The following PCDH15 variants were observed in gnomAD, a reference collection of about 807,000 sequenced individuals.
The protein encoded by PCDH15 is protocadherin related 15.
PCDH15 carries 129 observed loss-of-function variants against 178.5 expected under a neutral mutation model. The observed-to-expected ratio is 0.72, with a 90% CI of 0.63 to 0.84. The LOEUF (loss-of-function observed/expected upper bound fraction) is 0.84, where lower values mean the gene tolerates loss of function less well. PCDH15 is among the 40% of genes least tolerant of loss of function. The pLI, the probability that PCDH15 is intolerant of heterozygous loss-of-function variation, is 0.00. For synonymous variants in PCDH15, 800 were observed against 732.0 expected (o/e 1.09, Z -1.50); for missense variants, 2,230 against 2,099.9 (o/e 1.06, Z -1.21).
At chr10:54,530,846 C>T (rs2083833221) in intron 2 of PCDH15, among the ~76,000 whole-genome samples, 1 of 152,108 alleles carries the variant, frequency 6.6e-6, no homozygotes, top group Non-Finnish European at 1.5e-5. Flanking sequence ...TAAGCAGACA[C>T]ATAATAAATA....
At chr10:55,056,734 G>C (rs1388638553) in intron 2 of PCDH15, among the ~76,000 whole-genome samples, 3 of 151,594 alleles carry the variant, frequency 2.0e-5, no homozygotes, top group African/African-American at 7.3e-5. Context: ...CCAGATTCAA[G>C]CAATTCTCCT....
chr10:54,442,455 T>TAC (rs1217607581), intron 3 of PCDH15, among the ~76,000 whole-genome samples: 2 of 100,138 alleles, frequency 2.0e-5, no homozygotes, highest in African/African-American at 8.0e-5. Context: ...TATATATATA[T>TAC]ATATACAGTC....
At chr10:55,250,702 A>AT (rs1841814473) in intron 1 of PCDH15, among the ~76,000 whole-genome samples, 1 of 150,888 alleles carries the variant, frequency 6.6e-6, no homozygotes, top group South Asian at 2.1e-4. Context: ...ACACCCAGCT[A>AT]TTTTTTGTAT....
intron 1 of PCDH15, among the ~76,000 whole-genome samples, chr10:55,200,016 G>C (rs1484491400): frequency 6.6e-6 from 1 of 152,104 alleles, no homozygotes; most frequent in African/African-American, 2.4e-5. Context: ...AGTGTGGAGG[G>C]GAATGTGGGG....
chr10:54,169,583 C>T (rs894603359), intron 13 of PCDH15, among the ~76,000 whole-genome samples: 42 of 149,022 alleles, frequency 2.8e-4, no homozygotes, highest in Admixed American at 1.9e-3. Context: ...ATCTCATTGC[C>T]GCCCTTCTTC....
Position 54,275,625 on chromosome 10 carries a change from T to C in PCDH15, c.877-38694A>G, listed in dbSNP as rs2058308575. The stretch of plus-strand genomic sequence containing the variant: ...AAGATAATGCTTAATAGTGGTGTCA[T>C]TACAACCAAAATACTAAAAAAATGT... On this transcript the variant is annotated intron_variant, in intron 8 of 37. Coordinates refer to ENST00000644397, the MANE Select transcript of PCDH15 (RefSeq NM_001384140.1). Among the ~76,000 whole-genome samples, 6 of 151,902 alleles carry C rather than the reference T, an allele frequency of 3.9e-5. No homozygotes were observed. The South Asian group carries it at 1.0e-3, about 26-fold the overall frequency.
At chr10:54,982,260 A>G (rs891399166) in intron 2 of PCDH15, among the ~76,000 whole-genome samples, 2 of 152,188 alleles carry the variant, frequency 1.3e-5, no homozygotes, top group Middle Eastern at 3.2e-3. Flanking sequence ...GCTAGAGGCA[A>G]TATAGACACA....
At chr10:55,509,670 C>T (rs569231449) in intron 2 of PCDH15, among the ~76,000 whole-genome samples, 3 of 151,888 alleles carry the variant, frequency 2.0e-5, no homozygotes, top group Admixed American at 6.6e-5. Flanking sequence ...ATATATATTA[C>T]CTTTTGTTTT....
chr10:54,544,752 A>G (rs781005565), intron 2 of PCDH15, among the ~76,000 whole-genome samples: 1 of 152,100 alleles, frequency 6.6e-6, no homozygotes, highest in Non-Finnish European at 1.5e-5. Flanking sequence ...GGTTTTCTCT[A>G]CTATGTTCAA....
upstream of PCDH15, among the ~76,000 whole-genome samples, chr10:55,321,214 T>C (rs898714853): frequency 2.0e-5 from 3 of 152,070 alleles, no homozygotes; most frequent in Non-Finnish European, 4.4e-5. Context: ...CAAACACAAG[T>C]ATTAACTACA....
chr10:54,011,655 G>T (rs1363805099), intron 20 of PCDH15, among the ~76,000 whole-genome samples: 1 of 152,120 alleles, frequency 6.6e-6, no homozygotes, highest in Non-Finnish European at 1.5e-5. Flanking sequence ...CCATCTGCTG[G>T]ATCACAGCCC....
chr10:55,557,661 T>G (rs1326785923), intron 2 of PCDH15, among the ~76,000 whole-genome samples: 2 of 152,134 alleles, frequency 1.3e-5, no homozygotes, highest in Non-Finnish European at 2.9e-5. Context: ...GCTAGCTTAA[T>G]AGATGGGTTT....
At chr10:54,662,448 C>T (rs1243255651) in intron 2 of PCDH15, among the ~76,000 whole-genome samples, 1 of 151,920 alleles carries the variant, frequency 6.6e-6, no homozygotes, top group African/African-American at 2.4e-5. Context: ...TAGTATAGTA[C>T]ATTAAAGTCA....
chr10:54,128,511 T>C (rs988818423), intron 15 of PCDH15, among the ~76,000 whole-genome samples: 5 of 152,188 alleles, frequency 3.3e-5, no homozygotes, highest in African/African-American at 1.2e-4. Context: ...GAGTATTGAA[T>C]GGTGATCTTC....
intron 3 of PCDH15, among the ~76,000 whole-genome samples, chr10:54,474,474 T>G (rs7070972): frequency 0.24 from 35,713 of 151,682 alleles, 5,333 homozygotes; most frequent in African/African-American, 0.42. Flanking sequence ...AAAGTATTTA[T>G]CTCAGTAGTT....
chr10:54,344,918 A>AC (rs1588942655), intron 6 of PCDH15, among the ~76,000 whole-genome samples: 17 of 140,962 alleles, frequency 1.2e-4, no homozygotes, highest in South Asian at 4.4e-4. Context: ...AAAAAAAAAA[A>AC]AAAAAAAACA....
chr10:54,670,462 A>G lies in PCDH15; in HGVS notation c.-28-6172T>C, dbSNP rs149056425. 4.0e-3 allele frequency among the ~76,000 whole-genome samples: 609 copies of G among 152,272 alleles called. 8 individuals are homozygous for G. The highest frequency in any genetic ancestry group is 6.2e-3 in the Non-Finnish European group (424 of 67,992). ...TGGTTTTAATAATAGAACTTTAAAT[A>G]AAAGAGGGAAGAACACTGGTTTTCT... On this transcript the variant is annotated intron_variant, in intron 1 of 37. Transcript: ENST00000644397.
rs367693672 is a variant in PCDH15, at chr10:54,405,490, A to T, written c.158-26548T>A. 3.6e-4 allele frequency among the ~76,000 whole-genome samples: 55 copies of T among 152,120 alleles called. 1 individual carries two copies. Among genetic ancestry groups the T allele is most frequent in the East Asian group, 2.3e-3 (12 of 5,148 alleles). Reference sequence around the variant, plus strand: ...TAAGTGGGATATTAATGATGATAACATGTGGACACATAGAGGGGAACAAAA... The same window carrying T: ...TAAGTGGGATATTAATGATGATAACTTGTGGACACATAGAGGGGAACAAAA... On this transcript the variant is annotated intron_variant, in intron 3 of 37. Coordinates refer to ENST00000644397, the MANE Select transcript of PCDH15 (RefSeq NM_001384140.1).
At chr10:54,229,346 T>C (rs748162042) in intron 9 of PCDH15, among the ~76,000 whole-genome samples, 1 of 152,222 alleles carries the variant, frequency 6.6e-6, no homozygotes, top group African/African-American at 2.4e-5. Context: ...ACTGATAAAA[T>C]ACATGTATAA....
Sources: allele counts gnomAD v4.1 joint callset (sites outside exome capture counted in the v4.1 genomes callset), GRCh38; gene constraint gnomAD v4.1.1; transcripts MANE v1.5; gene names NCBI Gene and HGNC (gene_info 2026-07-23, HGNC 2026-07-21).